TNPO3: variants seen among roughly 807,000 people sequenced by gnomAD.
TNPO3 encodes the protein transportin 3, also known as transportin-3.
Under a neutral mutation model 122.8 loss-of-function variants are expected in TNPO3, and 65 were observed. The ratio of observed to expected loss-of-function variants is 0.53; its 90% CI spans 0.43 to 0.65. The LOEUF (loss-of-function observed/expected upper bound fraction) is 0.65, where lower values mean the gene tolerates loss of function less well. Ranked by LOEUF, TNPO3 falls within the 30% of genes least tolerant of loss-of-function variation. The pLI is 0.00. For missense variants in TNPO3, 850 were observed against 1,136.7 expected, an observed-to-expected ratio of 0.75 and a Z score of 3.63; for synonymous variants, 372 against 411.2, an observed-to-expected ratio of 0.90 and a Z score of 1.15.
chr7:129,003,660 C>T (rs114563476), intron 5 of TNPO3, among the ~76,000 whole-genome samples: 1,645 of 152,030 alleles, frequency 0.011, 26 homozygotes, highest in African/African-American at 0.038. Context: ...CAGGGAGACA[C>T]CCTGACTCCC....
At chr7:129,029,692 T>C (rs1271881494) in intron 1 of TNPO3, 1 of 152,144 alleles carries the variant, frequency 6.6e-6, no homozygotes, top group African/African-American at 2.4e-5. Flanking sequence ...AGATATTTCA[T>C]GTGGCATCAG....
intron 1 of TNPO3, among the ~76,000 whole-genome samples, chr7:129,023,512 T>A (rs2150460848): frequency 6.6e-6 from 1 of 152,218 alleles, no homozygotes; most frequent in Middle Eastern, 3.4e-3. Context: ...AAGATACCAA[T>A]ATTAAATACA....
chr7:128,995,670 G>C (rs1801229025), intron 8 of TNPO3, among the ~76,000 whole-genome samples: 1 of 151,076 alleles, frequency 6.6e-6, no homozygotes, highest in Non-Finnish European at 1.5e-5. Context: ...AGGCTTCCAA[G>C]TAAAATGTGG....
intron 7 of TNPO3, among the ~76,000 whole-genome samples, chr7:128,998,370 T>C (rs1167143625): frequency 6.6e-6 from 1 of 151,990 alleles, no homozygotes; most frequent in African/African-American, 2.4e-5. Context: ...AAAAGATATA[T>C]ATATTTTCTT....
intron 21 of TNPO3, among the ~76,000 whole-genome samples, chr7:128,960,862 C>T (rs972716107): frequency 4.6e-5 from 7 of 152,064 alleles, no homozygotes; most frequent in Non-Finnish European, 5.9e-5. Flanking sequence ...CAGGTTCAAG[C>T]GATTCTCCAG....
chr7:128,978,515 T>TATACAGAAGCG (rs1281381271), intron 16 of TNPO3, among the ~76,000 whole-genome samples: 3 of 152,256 alleles, frequency 2.0e-5, no homozygotes, highest in African/African-American at 7.2e-5. Flanking sequence ...CTATAGCTAC[T>TATACAGAAGCG]ATACAGAAGC....
intron 19 of TNPO3, among the ~76,000 whole-genome samples, chr7:128,972,080 C>T (rs1424502063): frequency 6.6e-6 from 1 of 152,204 alleles, no homozygotes; most frequent in Non-Finnish European, 1.5e-5. Flanking sequence ...ATTCACATCA[C>T]TGTACTCCAG....
intron 1 of TNPO3, among the ~76,000 whole-genome samples, chr7:129,025,381 A>C (rs1805011852): frequency 2.9e-5 from 4 of 137,896 alleles, no homozygotes; most frequent in Non-Finnish European, 6.4e-5. Flanking sequence ...AAAAAAAAAA[A>C]AAAAAAAAAA....
At chr7:128,965,005 C>T (rs947474439) in intron 21 of TNPO3, among the ~76,000 whole-genome samples, 2 of 152,098 alleles carry the variant, frequency 1.3e-5, no homozygotes, top group African/African-American at 4.8e-5. Flanking sequence ...AAAACCTAGG[C>T]GGAAAACTTC....
intron 12 of TNPO3, among the ~76,000 whole-genome samples, chr7:128,985,955 C>G (rs1474949111): frequency 6.6e-6 from 1 of 152,176 alleles, no homozygotes; most frequent in South Asian, 2.1e-4. Context: ...GGTTATTTTA[C>G]CCAATCCTTT....
intron 4 of TNPO3, among the ~76,000 whole-genome samples, chr7:129,005,845 A>T (rs146529094): frequency 8.1e-5 from 12 of 147,338 alleles, no homozygotes; most frequent in African/African-American, 3.0e-4. Context: ...GCAGTGCCAC[A>T]ATCTCGGCTC....
At chr7:128,979,910 C>G in intron 15 of TNPO3, 61 bp downstream of exon 15, 3 of 1,504,406 alleles carry the variant, frequency 2.0e-6, no homozygotes, top group South Asian at 1.1e-5. Context: ...GTGAGTTACC[C>G]AAAGCCCTGT....
chr7:129,012,971 T>C (rs1028409680), intron 4 of TNPO3, among the ~76,000 whole-genome samples: 2 of 152,150 alleles, frequency 1.3e-5, no homozygotes, highest in East Asian at 1.9e-4. Context: ...GTATTAAAAA[T>C]GTCAACTAAC....
intron 21 of TNPO3, among the ~76,000 whole-genome samples, chr7:128,965,049 T>A (rs75095369): frequency 0.064 from 9,760 of 152,122 alleles, 653 homozygotes; most frequent in African/African-American, 0.17. Flanking sequence ...TTCCTAGATA[T>A]GACACCAAAC....
chr7:129,027,984 A>G (rs192855250), intron 1 of TNPO3, among the ~76,000 whole-genome samples: 1 of 152,212 alleles, frequency 6.6e-6, no homozygotes, highest in Non-Finnish European at 1.5e-5. Context: ...CATATAAAAC[A>G]TCTTTTCTGA....
At position 129,001,103 on chromosome 7, in the gene TNPO3, C is replaced by T; in HGVS notation, c.828G>A (p.Leu276=). The T allele has an allele frequency of 6.2e-7, 1 of 1,614,164 alleles. No homozygotes were observed. The highest frequency in any genetic ancestry group is 1.1e-5 in the South Asian group (1 of 91,074). ...AMQLFQGVLT[L]ETAYHMAVAR... The stretch of plus-strand genomic sequence containing the variant: ...CCACGGCCATATGATAGGCAGTCTC[C>T]AATGTCAGCACTCCCTGAAAAAGTT... The change falls in exon 6 of 23, where the codon TTG becomes TTA. Residue 276 remains leucine, a synonymous_variant. Transcript: ENST00000265388.
In TNPO3 at chr7:129,045,509, AC is replaced by A. The variant is rs1438685502; in HGVS notation, c.120+9141del. The stretch of plus-strand genomic sequence containing the variant: ...AGACCCTGTCTCAGAAAAAAAAAAA[AC>A]GTTAAAATGCTAAATTTATGTTTTG... On this transcript the variant is annotated intron_variant, in intron 1 of 22. Coordinates refer to ENST00000265388, the MANE Select transcript of TNPO3 (RefSeq NM_012470.4). 6.6e-5 allele frequency among the ~76,000 whole-genome samples: 10 copies of A among 151,124 alleles called. No individual in the cohort carries two copies. In the South Asian group the frequency reaches 1.1e-3, roughly 16 times the overall value.
rs1348880872 is a variant in TNPO3 at position 129,021,487 on chromosome 7, C to T, written c.121-3330G>A. On this transcript the variant is annotated intron_variant, in intron 1 of 22. Coordinates refer to ENST00000265388, the MANE Select transcript of TNPO3 (RefSeq NM_012470.4). ...TGAAACCAAACAGTCAGGAAGAGAC[C>T]CCAATTGAGGAAAAACTGCTATGAA... Among the ~76,000 whole-genome samples the T allele has an allele frequency of 2.7e-5, 4 of 150,652 alleles. No individual in the cohort carries two copies. In the East Asian group the frequency reaches 7.8e-4, roughly 29 times the overall value.
chr7:128,974,116 G>A (rs1167810066), intron 18 of TNPO3, among the ~76,000 whole-genome samples: 1 of 151,866 alleles, frequency 6.6e-6, no homozygotes, highest in African/African-American at 2.4e-5. Context: ...AGAGGTTGCA[G>A]TGAGCCGAGA....
Sources: gnomAD v4.1 joint callset for allele counts (sites outside exome capture counted in the v4.1 genomes callset) on GRCh38, gnomAD v4.1.1 for gene constraint, MANE v1.5 for transcripts, NCBI Gene and HGNC (gene_info 2026-07-23, HGNC 2026-07-21) for gene names.